Variants in NRXN1 observed in about 807,000 individuals in gnomAD.
NRXN1 encodes the protein neurexin 1.
In NRXN1, 39 loss-of-function variants were observed where a neutral mutation model predicts 150.9. The ratio of observed to expected loss-of-function variants is 0.26; its 90% CI spans 0.20 to 0.34. NRXN1 has a LOEUF of 0.34. Among genes scored for constraint, NRXN1 ranks in the 10% least tolerant of loss-of-function variants. NRXN1 has a pLI of 1.00. For missense variants in NRXN1, 1,815 were observed against 1,949.9 expected, an observed-to-expected ratio of 0.93 and a Z score of 1.30; for synonymous variants, 924 against 757.0, an observed-to-expected ratio of 1.22 and a Z score of -3.62.
chr2:49,998,037 C>A lies in NRXN1; in HGVS notation c.4129-54246G>T, dbSNP rs1455017594. 2.6e-5 allele frequency among the ~76,000 whole-genome samples: 4 copies of A among 152,108 alleles called. No homozygotes were observed. In the East Asian group the frequency reaches 7.7e-4, roughly 29 times the overall value. The stretch of plus-strand genomic sequence containing the variant: ...AGCCAGGTCAGCAGAGTGGGATGAC[C>A]TTTCCCAACAGAAATGCCATGATGT... On this transcript the variant is annotated intron_variant, in intron 21 of 22. Transcript: ENST00000401669.
chr2:50,940,782 C>A (rs1048234202), intron 2 of NRXN1, among the ~76,000 whole-genome samples: 1 of 152,026 alleles, frequency 6.6e-6, no homozygotes, highest in African/African-American at 2.4e-5. Context: ...TATTAAAATA[C>A]AAGGGGAAAA....
chr2:50,525,318 G>A (rs557453146), intron 12 of NRXN1, among the ~76,000 whole-genome samples: 60 of 152,254 alleles, frequency 3.9e-4, no homozygotes, highest in Non-Finnish European at 6.5e-4. Flanking sequence ...GTGTTCCTTC[G>A]TTAATTCAGA....
At chr2:50,358,853 T>A (rs1220369054) in intron 17 of NRXN1, among the ~76,000 whole-genome samples, 1 of 152,196 alleles carries the variant, frequency 6.6e-6, no homozygotes, top group Non-Finnish European at 1.5e-5. Context: ...ATCTGGCAGG[T>A]GTCCCACTGG....
chr2:50,320,282 TCATATATATATATATATATATATATATA>T (rs2075919061), intron 17 of NRXN1, among the ~76,000 whole-genome samples: 1 of 47,536 alleles, frequency 2.1e-5, no homozygotes, highest in Admixed American at 2.8e-4. Context: ...TATACCTCAA[TCATATATATATATATATATATATATATA>T]TATATATATA....
At chr2:50,127,142 C>T (rs985132) in intron 18 of NRXN1, among the ~76,000 whole-genome samples, 48,581 of 151,898 alleles carry the variant, frequency 0.32, 8,211 homozygotes, top group Non-Finnish European at 0.37. Flanking sequence ...CCTCCATTCA[C>T]TAGGGAGATA....
At chr2:50,215,132 C>T (rs2063307068) in intron 18 of NRXN1, among the ~76,000 whole-genome samples, 1 of 151,998 alleles carries the variant, frequency 6.6e-6, no homozygotes, top group Admixed American at 6.6e-5. Flanking sequence ...ATACAGACTT[C>T]CTTTACGTTT....
chr2:50,862,930 C>T (rs144680567), intron 5 of NRXN1, among the ~76,000 whole-genome samples: 127 of 151,990 alleles, frequency 8.4e-4, no homozygotes, highest in African/African-American at 3.0e-3. Flanking sequence ...TATCTGCCTA[C>T]GTGAAAAGAG....
At chr2:50,498,034 G>A (rs1340461781) in intron 13 of NRXN1, among the ~76,000 whole-genome samples, 1 of 152,040 alleles carries the variant, frequency 6.6e-6, no homozygotes, top group East Asian at 1.9e-4. Context: ...AAGAAGGAGA[G>A]GGAGGAAAAA....
intron 17 of NRXN1, among the ~76,000 whole-genome samples, chr2:50,366,731 A>G (rs886297231): frequency 1.6e-4 from 24 of 151,942 alleles, no homozygotes; most frequent in Admixed American, 2.6e-4. Flanking sequence ...GTTGCTCTCA[A>G]TGCAGAGTGA....
At chr2:50,872,440 T>C (rs1373884381) in intron 5 of NRXN1, among the ~76,000 whole-genome samples, 2 of 151,410 alleles carry the variant, frequency 1.3e-5, no homozygotes, top group Non-Finnish European at 3.0e-5. Flanking sequence ...CGAGTAGTGA[T>C]ATTGGGTATT....
chr2:50,197,757 TGA>T (rs2061871210), intron 18 of NRXN1, among the ~76,000 whole-genome samples: 1 of 152,120 alleles, frequency 6.6e-6, no homozygotes, highest in Non-Finnish European at 1.5e-5. Context: ...AATTCTCCTC[TGA>T]GATTTTCATC....
In NRXN1 at chr2:50,620,120, G is replaced by A; in HGVS notation, c.1222C>T (p.Leu408=). 1.2e-6 allele frequency: 2 copies of A among 1,613,524 alleles called. No homozygotes were observed. The highest frequency in any genetic ancestry group is 8.5e-7 in the Non-Finnish European group (1 of 1,179,678). ...ACATAGAAAAAGTCATCAGACCCCA[G>A]CATGGTATAATCTTCTTGCGTGTAG... The part of the protein sequence containing the change: ...TGYTQEDYTM[L]GSDDFFYVGG... The change falls in exon 8 of 23, where the codon CTG becomes TTG. Residue 408 remains leucine, a synonymous_variant. Transcript: ENST00000401669.
At chr2:50,912,941 T>C (rs996469305) in intron 5 of NRXN1, 11 of 151,802 alleles carry the variant, frequency 7.2e-5, no homozygotes, top group African/African-American at 2.4e-4. Flanking sequence ...TTCCACCTCA[T>C]TGGTCAGTGC....
At chr2:50,763,800 C>T (rs1702085828) in intron 5 of NRXN1, among the ~76,000 whole-genome samples, 1 of 151,852 alleles carries the variant, frequency 6.6e-6, no homozygotes, top group South Asian at 2.1e-4. Context: ...AGTGATCTGC[C>T]TCCCCTGCTG....
At chr2:50,558,938 C>T (rs543728904) in intron 8 of NRXN1, among the ~76,000 whole-genome samples, 2 of 151,864 alleles carry the variant, frequency 1.3e-5, no homozygotes, top group Admixed American at 6.6e-5. Context: ...GAAAATTAGC[C>T]GGGTGTGGTG....
intron 15 of NRXN1, among the ~76,000 whole-genome samples, chr2:50,482,230 G>C (rs111715724): frequency 6.6e-6 from 1 of 152,144 alleles, no homozygotes; most frequent in Non-Finnish European, 1.5e-5. Flanking sequence ...AAATAATAAA[G>C]TGAAATTGCT....
chr2:50,149,029 T>C (rs559615754), intron 18 of NRXN1, among the ~76,000 whole-genome samples: 5 of 151,728 alleles, frequency 3.3e-5, no homozygotes, highest in Non-Finnish European at 7.4e-5. Flanking sequence ...TCTAAGAGCA[T>C]AGCATAAAGT....
intron 5 of NRXN1, among the ~76,000 whole-genome samples, chr2:50,893,460 G>A (rs780085344): frequency 2.0e-5 from 3 of 152,060 alleles, no homozygotes; most frequent in Non-Finnish European, 2.9e-5. Flanking sequence ...GCATTTTCCT[G>A]TAGGGTTTAA....
chr2:50,696,939 T>G (rs1306056059), intron 5 of NRXN1, among the ~76,000 whole-genome samples: 1 of 152,164 alleles, frequency 6.6e-6, no homozygotes, highest in African/African-American at 2.4e-5. Flanking sequence ...CAGAAACCAG[T>G]GGCATTGTTA....
Sources: gnomAD v4.1 joint callset for allele counts (sites outside exome capture counted in the v4.1 genomes callset) on GRCh38, gnomAD v4.1.1 for gene constraint, MANE v1.5 for transcripts, NCBI Gene and HGNC (gene_info 2026-07-23, HGNC 2026-07-21) for gene names.